Variants in SYT16 observed in about 807,000 individuals in gnomAD.
SYT16 encodes synaptotagmin-16.
A neutral mutation model predicts 61.4 loss-of-function variants in SYT16; 42 were observed. The ratio of observed to expected loss-of-function variants is 0.68; its 90% CI spans 0.53 to 0.89. The LOEUF (loss-of-function observed/expected upper bound fraction) is 0.89. SYT16 is among the 40% of genes least tolerant of loss of function. SYT16 has a pLI of 0.00. For missense variants in SYT16, 804 were observed against 807.3 expected (o/e 1.00, Z 0.05); for synonymous variants, 314 against 302.3 (o/e 1.04, Z -0.40).
chr14:61,817,924 G>A (rs991803035), intron 1 of SYT16, among the ~76,000 whole-genome samples: 5 of 152,308 alleles, frequency 3.3e-5, no homozygotes, highest in African/African-American at 1.2e-4. Context: ...GGTGGCCGAA[G>A]GTTAGCATTT....
At chr14:62,084,698 C>T (rs4899066) in intron 7 of SYT16, among the ~76,000 whole-genome samples, 44,844 of 152,026 alleles carry the variant, frequency 0.29, 8,011 homozygotes, top group East Asian at 0.41. Flanking sequence ...GTCCTAGGCC[C>T]TCAACTTTAA....
chr14:62,021,313 G>T (rs534232155), intron 3 of SYT16, among the ~76,000 whole-genome samples: 26 of 152,116 alleles, frequency 1.7e-4, no homozygotes, highest in Non-Finnish European at 2.1e-4. Flanking sequence ...TGTAAGTGTG[G>T]TCTTAGGTGG....
intron 1 of SYT16, among the ~76,000 whole-genome samples, chr14:61,824,454 A>ACCATTCTCCTGCCTCAGCCTC (rs1304413799): frequency 6.6e-6 from 1 of 151,944 alleles, no homozygotes; most frequent in Non-Finnish European, 1.5e-5. Context: ...CCGGGTTCAC[A>ACCATTCTCCTGCCTCAGCCTC]CCATTCTCCT....
At chr14:62,051,967 G>A (rs1394607207) in intron 3 of SYT16, among the ~76,000 whole-genome samples, 2 of 152,160 alleles carry the variant, frequency 1.3e-5, no homozygotes, top group Non-Finnish European at 2.9e-5. Context: ...GGGTGGTTGA[G>A]GCTGCAGTGA....
intron 7 of SYT16, among the ~76,000 whole-genome samples, chr14:62,098,940 CTGAG>C (rs2141018931): frequency 6.6e-6 from 1 of 152,100 alleles, no homozygotes; most frequent in Admixed American, 6.5e-5. Flanking sequence ...TCATATGAGG[CTGAG>C]TATTAGTGGG....
chr14:61,822,369 A>T (rs749733855), intron 1 of SYT16, among the ~76,000 whole-genome samples: 32 of 152,170 alleles, frequency 2.1e-4, no homozygotes, highest in Admixed American at 2.0e-4. Context: ...GTGCCTATCC[A>T]TATTGAGGGT....
chr14:61,982,302 A>T (rs1034028520), intron 2 of SYT16, among the ~76,000 whole-genome samples: 2 of 152,144 alleles, frequency 1.3e-5, no homozygotes, highest in African/African-American at 2.4e-5. Flanking sequence ...GTTGATAAAG[A>T]TATACCTGAG....
Position 62,104,321 on chromosome 14 carries a change from G to A in SYT16, c.*3614G>A, listed in dbSNP as rs1005666139. The A allele has an allele frequency of 1.4e-4, 22 of 152,166 alleles. No individual in the cohort carries two copies. The highest frequency in any genetic ancestry group is 4.6e-4 in the African/African-American group (19 of 41,454). 9.4% of individuals were successfully genotyped at this position (152,166 alleles called of 1,614,324 possible). On this transcript the variant is annotated 3_prime_UTR_variant, in exon 8 of 8. Transcript: ENST00000683842. ...TGATAAAGAAACAGGACTAGAACAC[G>A]CATGTGGTATCTCCTTTTACTTTTG...
At chr14:61,929,483 C>T (rs141376006) in intron 1 of SYT16, among the ~76,000 whole-genome samples, 191 of 152,282 alleles carry the variant, frequency 1.3e-3, no homozygotes, top group African/African-American at 4.4e-3. Flanking sequence ...AGCAACACCC[C>T]GCTGCCTCTT....
rs1379295637 is a variant in SYT16 at position 62,108,997 on chromosome 14, T to G, written c.*8290T>G. The G allele has an allele frequency of 6.6e-6, 1 of 152,152 alleles. No homozygotes were observed. The highest frequency in any genetic ancestry group is 1.9e-4 in the East Asian group (1 of 5,194). 9.4% of individuals were successfully genotyped at this position (152,152 alleles called of 1,614,324 possible). On this transcript the variant is annotated 3_prime_UTR_variant, in exon 8 of 8. Transcript: ENST00000683842. The stretch of plus-strand genomic sequence containing the variant: ...CATTTTGAACACCACAGTGCTATAT[T>G]TGTTACAACTGATGAACCTTCATTG...
chr14:61,905,757 TCTTC>T (rs777856696), intron 1 of SYT16, among the ~76,000 whole-genome samples: 3,837 of 68,248 alleles, frequency 0.056, 65 homozygotes, highest in Admixed American at 0.084. Context: ...GACTTCTTCT[TCTTC>T]TTTTTTTTTT....
intron 1 of SYT16, among the ~76,000 whole-genome samples, chr14:61,967,946 C>T (rs1169302870): frequency 6.6e-6 from 1 of 152,020 alleles, no homozygotes; most frequent in Non-Finnish European, 1.5e-5. Context: ...GTATAGAGTA[C>T]CAGGAACTTT....
intron 7 of SYT16, among the ~76,000 whole-genome samples, chr14:62,097,848 A>G (rs113971209): frequency 1.3e-5 from 2 of 152,322 alleles, no homozygotes; most frequent in African/African-American, 4.8e-5. Context: ...TCCCACTGCT[A>G]TACCTGGCAG....
intron 1 of SYT16, among the ~76,000 whole-genome samples, chr14:61,881,879 A>G (rs1017301846): frequency 4.6e-5 from 7 of 152,158 alleles, no homozygotes; most frequent in African/African-American, 1.7e-4. Flanking sequence ...AGTAACATCC[A>G]CTAAGCCAGA....
chr14:62,090,375 G>A (rs1296725106), intron 7 of SYT16, among the ~76,000 whole-genome samples: 2 of 152,174 alleles, frequency 1.3e-5, no homozygotes, highest in Non-Finnish European at 2.9e-5. Context: ...CACAATAGCA[G>A]AGACTAAAGG....
chr14:61,895,101 G>T (rs112386523), intron 1 of SYT16, among the ~76,000 whole-genome samples: 2 of 152,120 alleles, frequency 1.3e-5, no homozygotes, highest in East Asian at 1.9e-4. Context: ...TTGGAAGTTG[G>T]TATCGTTAAT....
chr14:61,832,146 G>A (rs989616275), intron 1 of SYT16: 1 of 703,358 alleles, frequency 1.4e-6, no homozygotes, highest in South Asian at 1.4e-5. Flanking sequence ...TTTCCCATCC[G>A]TGGAGCGGTT....
intron 5 of SYT16, among the ~76,000 whole-genome samples, chr14:62,078,780 C>A (rs2056604666): frequency 6.6e-6 from 1 of 152,218 alleles, no homozygotes; most frequent in African/African-American, 2.4e-5. Flanking sequence ...CTGCAGCTGT[C>A]TAAGCCTTGG....
At chr14:61,990,074 C>G (rs1196801168) in intron 2 of SYT16, among the ~76,000 whole-genome samples, 2 of 152,138 alleles carry the variant, frequency 1.3e-5, no homozygotes, top group Non-Finnish European at 2.9e-5. Flanking sequence ...ATATTCCAAC[C>G]CACATAAGAA....
Sources: gnomAD v4.1 joint callset for allele counts (sites outside exome capture counted in the v4.1 genomes callset) on GRCh38, gnomAD v4.1.1 for gene constraint, MANE v1.5 for transcripts, NCBI Gene and HGNC (gene_info 2026-07-23, HGNC 2026-07-21) for gene names.